The following HEATR3 variants were observed in gnomAD, a reference collection of about 807,000 sequenced individuals.
HEATR3 encodes HEAT repeat-containing protein 3.
In HEATR3, 56 loss-of-function variants were observed where a neutral mutation model predicts 72.8. That is an observed-to-expected ratio of 0.77 (90% CI 0.62 to 0.96). The LOEUF is 0.96. HEATR3 is among the 40% of genes least tolerant of loss of function. The probability of loss-of-function intolerance (pLI) is 0.00; values close to 1 mark genes in which losing one functional copy is unlikely to be tolerated. For missense variants in HEATR3, 747 were observed against 831.4 expected, an observed-to-expected ratio of 0.90 and a Z score of 1.25; for synonymous variants, 331 against 318.1, an observed-to-expected ratio of 1.04 and a Z score of -0.43.
At chr16:50,094,324 T>C (rs1344914764) in intron 11 of HEATR3, among the ~76,000 whole-genome samples, 2 of 152,212 alleles carry the variant, frequency 1.3e-5, no homozygotes, top group Non-Finnish European at 2.9e-5. Context: ...GCATTCTGAC[T>C]CCACCAAAGG....
intron 13 of HEATR3, among the ~76,000 whole-genome samples, chr16:50,101,527 T>C (rs1237750540): frequency 1.3e-5 from 2 of 152,230 alleles, no homozygotes; most frequent in Admixed American, 1.3e-4. Flanking sequence ...CCACATGTTA[T>C]GTTTCCTGTG....
At chr16:50,081,554 A>G (rs750699430) in intron 7 of HEATR3, among the ~76,000 whole-genome samples, 43 of 152,130 alleles carry the variant, frequency 2.8e-4, no homozygotes, top group Non-Finnish European at 5.4e-4. Context: ...AAGGAGAATA[A>G]AGTGTTCTTA....
chr16:50,097,314 C>T (rs1200858805), intron 12 of HEATR3, among the ~76,000 whole-genome samples: 32 of 135,568 alleles, frequency 2.4e-4, no homozygotes, highest in African/African-American at 5.6e-4. Flanking sequence ...TTTGTCTTTT[C>T]TTTTTTTTTT....
At chr16:50,101,228 G>A (rs2037359318) in intron 13 of HEATR3, among the ~76,000 whole-genome samples, 1 of 150,848 alleles carries the variant, frequency 6.6e-6, no homozygotes, top group African/African-American at 2.4e-5. Flanking sequence ...CAATTCTTCT[G>A]CCTCAGCCTC....
In HEATR3 at chr16:50,084,056, T is replaced by C. The variant is rs748805558; in HGVS notation, c.1132+29T>C. On this transcript the variant is annotated intron_variant, in intron 8 of 14. Transcript: ENST00000299192. ...TGTTAACATTTACATTTAGACATTT[T>C]CCCCCTGAGCCAAGAGGGAAACTCC... 86 of 1,613,636 alleles carry C rather than the reference T, an allele frequency of 5.3e-5. 1 individual carries two copies. In the South Asian group the frequency reaches 9.0e-4, roughly 17 times the overall value.
Position 50,094,799 on chromosome 16 carries a change from A to G in HEATR3, c.1599+6A>G, listed in dbSNP as rs1430541517. On this transcript the variant is annotated splice_donor_region_variant and intron_variant, in intron 12 of 14. Coordinates refer to ENST00000299192, the MANE Select transcript of HEATR3 (RefSeq NM_182922.4). Reference sequence around the variant, plus strand: ...CCTCCAAGAACATTTCCCAGGTAAGAGTTTTAAAATTTTTTGTATGAAACT... The same window carrying G: ...CCTCCAAGAACATTTCCCAGGTAAGGGTTTTAAAATTTTTTGTATGAAACT... 6.3e-7 allele frequency: 1 copy of G among 1,577,250 alleles called. No individual in the cohort carries two copies. Among genetic ancestry groups the G allele is most frequent in the Non-Finnish European group, 8.6e-7 (1 of 1,159,446 alleles).
chr16:50,099,518 G>A (rs1433427796), intron 12 of HEATR3, among the ~76,000 whole-genome samples: 1 of 152,062 alleles, frequency 6.6e-6, no homozygotes, highest in Admixed American at 6.6e-5. Flanking sequence ...TGAACCCAGG[G>A]TTCAATCTCC....
intron 12 of HEATR3, 144 bp downstream of exon 12, chr16:50,094,937 TTAAAA>T (rs1243776694): frequency 2.0e-5 from 10 of 488,124 alleles, no homozygotes; most frequent in African/African-American, 4.1e-5. Flanking sequence ...ACAAAAGTGA[TTAAAA>T]TAAAAAGTAA....
intron 4 of HEATR3, among the ~76,000 whole-genome samples, chr16:50,070,898 C>T (rs1321864249): frequency 6.6e-6 from 1 of 152,166 alleles, no homozygotes; most frequent in African/African-American, 2.4e-5. Context: ...TTCTTGTACA[C>T]CCTGAGCAGA....
intron 7 of HEATR3, 102 bp from the exon 8 acceptor site, chr16:50,083,835 C>T: frequency 5.9e-6 from 6 of 1,010,168 alleles, no homozygotes; most frequent in Non-Finnish European, 8.7e-6. Flanking sequence ...TGCTCTATTC[C>T]AAGCGCAAAA....
At chr16:50,073,731 C>G (rs1167322899) in intron 5 of HEATR3, 1 of 152,078 alleles carries the variant, frequency 6.6e-6, no homozygotes, top group African/African-American at 2.4e-5. Flanking sequence ...AAAATCACTT[C>G]TATTTTTGTG....
Position 50,084,261 on chromosome 16 carries a change from G to A in HEATR3, c.1260G>A (p.Thr420=), listed in dbSNP as rs767787633. 40 of 1,613,870 alleles carry A rather than the reference G, an allele frequency of 2.5e-5. No individual in the cohort carries two copies. The Admixed American group carries it at 2.5e-4, about 10-fold the overall frequency. Residue 420 remains threonine, a synonymous_variant, in exon 9 of 15, where the codon ACG becomes ACA. Coordinates refer to ENST00000299192, the MANE Select transcript of HEATR3 (RefSeq NM_182922.4). The stretch of plus-strand genomic sequence containing the variant: ...TCTGCCTCTCCCATGAAGTTCACAC[G>A]GCTCTCACCAACTACCTCATCCCAA... ...SPLCLSHEVH[T]ALTNYLIPKK...
intron 4 of HEATR3, 82 bp from the exon 5 acceptor site, chr16:50,072,523 T>G (rs2036633999): frequency 1.1e-6 from 1 of 880,532 alleles, no homozygotes; most frequent in Non-Finnish European, 1.8e-6. Context: ...AAAGCCTCGT[T>G]TGTTTTTTTA....
intron 4 of HEATR3, 92 bp from the exon 5 acceptor site, chr16:50,072,512 TA>T: frequency 1.3e-6 from 1 of 784,404 alleles, no homozygotes; most frequent in Non-Finnish European, 2.1e-6. Flanking sequence ...CCTTGGTTTA[TA>T]AAGCCTCGTT....
chr16:50,085,905 T>G (rs369157300), intron 10 of HEATR3, among the ~76,000 whole-genome samples: 9 of 151,834 alleles, frequency 5.9e-5, no homozygotes, highest in African/African-American at 2.2e-4. Flanking sequence ...TGCATGCACA[T>G]GTAATCCTGC....
At chr16:50,094,571 G>GT (rs779177853) in intron 11 of HEATR3, 134 bp from the exon 12 acceptor site, 538 of 518,886 alleles carry the variant, frequency 1.0e-3, no homozygotes, top group Middle Eastern at 1.8e-3. Context: ...AAATATCGAG[G>GT]GTTTTTTTTT....
chr16:50,071,603 A>C (rs946846412), intron 4 of HEATR3, among the ~76,000 whole-genome samples: 5 of 152,146 alleles, frequency 3.3e-5, no homozygotes, highest in Non-Finnish European at 5.9e-5. Flanking sequence ...TTTTTGTTTC[A>C]TCATTTATAT....
intron 13 of HEATR3, among the ~76,000 whole-genome samples, chr16:50,101,946 A>G (rs926243826): frequency 1.3e-5 from 2 of 152,124 alleles, no homozygotes; most frequent in Admixed American, 6.6e-5. Flanking sequence ...TACAGATAAT[A>G]TTTCTATGCA....
intron 5 of HEATR3, 63 bp from the exon 6 acceptor site, chr16:50,075,508 A>G: frequency 2.1e-6 from 3 of 1,432,564 alleles, no homozygotes; most frequent in Non-Finnish European, 2.9e-6. Context: ...GATGAGTTAT[A>G]CTGGTGTAAA....
Sources: gnomAD v4.1 joint callset for allele counts (sites outside exome capture counted in the v4.1 genomes callset) on GRCh38, gnomAD v4.1.1 for gene constraint, MANE v1.5 for transcripts, NCBI Gene and HGNC (gene_info 2026-07-23, HGNC 2026-07-21) for gene names.